GALNT17: variants seen among roughly 807,000 people sequenced by gnomAD.
GALNT17 encodes the protein UDP-GalNAc:polypeptide N-acetylgalactosaminyltransferase-like 3.
In GALNT17, 29 loss-of-function variants were observed where a neutral mutation model predicts 63.7. The ratio of observed to expected loss-of-function variants is 0.46; its 90% CI spans 0.34 to 0.62. GALNT17 has a LOEUF of 0.62. GALNT17 is among the 20% of genes least tolerant of loss of function. The pLI is 0.01. For missense variants in GALNT17, 603 were observed against 799.6 expected, an observed-to-expected ratio of 0.75 and a Z score of 2.97; for synonymous variants, 305 against 318.3, an observed-to-expected ratio of 0.96 and a Z score of 0.45.
chr7:71,149,199 A>T (rs1233224182), intron 1 of GALNT17, among the ~76,000 whole-genome samples: 1 of 152,164 alleles, frequency 6.6e-6, no homozygotes, highest in Non-Finnish European at 1.5e-5. Flanking sequence ...GACAACAAGC[A>T]TGCACCACCA....
At chr7:71,355,093 A>C (rs2116200356) in intron 2 of GALNT17, among the ~76,000 whole-genome samples, 1 of 152,192 alleles carries the variant, frequency 6.6e-6, no homozygotes, top group Admixed American at 6.5e-5. Context: ...TTTTCCCATA[A>C]GTTAGTTAAA....
At chr7:71,311,808 G>T (rs1266153868) in intron 1 of GALNT17, among the ~76,000 whole-genome samples, 3 of 152,210 alleles carry the variant, frequency 2.0e-5, no homozygotes, top group African/African-American at 4.8e-5. Context: ...AGATGCTACA[G>T]CTAAGAAGGA....
chr7:71,347,701 A>G (rs1792120264), intron 2 of GALNT17, among the ~76,000 whole-genome samples: 1 of 151,934 alleles, frequency 6.6e-6, no homozygotes, highest in Non-Finnish European at 1.5e-5. Context: ...TGGGGAGGGT[A>G]TTTTCCTTCA....
intron 5 of GALNT17, among the ~76,000 whole-genome samples, chr7:71,517,945 G>A (rs936098420): frequency 6.6e-6 from 1 of 152,188 alleles, no homozygotes; most frequent in Non-Finnish European, 1.5e-5. Context: ...TGAGCTGTGG[G>A]GAACAGGTTT....
intron 5 of GALNT17, among the ~76,000 whole-genome samples, chr7:71,544,068 C>T (rs1277186688): frequency 6.6e-6 from 1 of 151,434 alleles, no homozygotes; most frequent in Non-Finnish European, 1.5e-5. Flanking sequence ...GCCAGGATTA[C>T]AGATGTCAGC....
intron 1 of GALNT17, among the ~76,000 whole-genome samples, chr7:71,217,546 T>G (rs955367259): frequency 3.3e-5 from 5 of 152,172 alleles, no homozygotes; most frequent in African/African-American, 9.7e-5. Flanking sequence ...TTTTCTTTTT[T>G]TTGTTGTTGT....
intron 5 of GALNT17, among the ~76,000 whole-genome samples, chr7:71,527,594 C>G (rs898387045): frequency 6.6e-6 from 1 of 152,234 alleles, no homozygotes; most frequent in South Asian, 2.1e-4. Flanking sequence ...TCTTTTCTCA[C>G]TGTGCTCATT....
intron 1 of GALNT17, among the ~76,000 whole-genome samples, chr7:71,305,520 G>T (rs997435281): frequency 6.6e-6 from 1 of 152,160 alleles, no homozygotes; most frequent in Non-Finnish European, 1.5e-5. Flanking sequence ...TAAAATCTGG[G>T]CTCTCATTTC....
rs575299391 is a variant in GALNT17 at position 71,567,156 on chromosome 7, T to C, written c.963-4129T>C. Among the ~76,000 whole-genome samples the C allele has an allele frequency of 2.5e-4, 38 of 152,280 alleles. 1 individual carries two copies. The highest frequency in any genetic ancestry group is 5.0e-4 in the Non-Finnish European group (34 of 68,016). ...GGTTAACTGAGGCCAGGGAATGGGC[T>C]CATTTGATGCTTTTCCAGACTAAAG... On this transcript the variant is annotated intron_variant, in intron 5 of 10. Transcript: ENST00000333538.
At chr7:71,436,961 C>A (rs149154627) in intron 5 of GALNT17, among the ~76,000 whole-genome samples, 1 of 152,146 alleles carries the variant, frequency 6.6e-6, no homozygotes, top group Non-Finnish European at 1.5e-5. Flanking sequence ...TCCAGCTGAG[C>A]ATCTGGGCTC....
At chr7:71,242,394 G>A (rs1277577785) in intron 1 of GALNT17, among the ~76,000 whole-genome samples, 1 of 150,158 alleles carries the variant, frequency 6.7e-6, no homozygotes, top group East Asian at 2.0e-4. Flanking sequence ...TCAGCCTCCC[G>A]AGTAGCTGGG....
intron 1 of GALNT17, among the ~76,000 whole-genome samples, chr7:71,317,334 G>C (rs1791518651): frequency 6.6e-6 from 1 of 152,200 alleles, no homozygotes; most frequent in Admixed American, 6.5e-5. Flanking sequence ...AATCAGCTTT[G>C]TTGGCATGTT....
chr7:71,697,675 G>T (rs1019049467), intron 9 of GALNT17, among the ~76,000 whole-genome samples: 4 of 152,148 alleles, frequency 2.6e-5, no homozygotes, highest in African/African-American at 9.7e-5. Context: ...TAGTGGCTTG[G>T]CCATAATTTG....
intron 6 of GALNT17, among the ~76,000 whole-genome samples, chr7:71,584,811 G>C (rs1426049135): frequency 6.6e-6 from 1 of 151,946 alleles, no homozygotes; most frequent in Non-Finnish European, 1.5e-5. Flanking sequence ...GCGAAGTGCA[G>C]TGGCGCGATC....
chr7:71,217,770 CA>C (rs559073357), intron 1 of GALNT17, among the ~76,000 whole-genome samples: 257 of 151,390 alleles, frequency 1.7e-3, no homozygotes, highest in African/African-American at 5.8e-3. Context: ...CTAAAATGTA[CA>C]AAAAAAATTA....
intron 3 of GALNT17, among the ~76,000 whole-genome samples, chr7:71,397,664 G>A (rs572300932): frequency 5.9e-5 from 9 of 152,320 alleles, no homozygotes; most frequent in African/African-American, 1.2e-4. Flanking sequence ...GTGGCTGTGC[G>A]TTGTTGTCGT....
chr7:71,568,183 G>T (rs1381801738), intron 5 of GALNT17, among the ~76,000 whole-genome samples: 1 of 152,176 alleles, frequency 6.6e-6, no homozygotes, highest in African/African-American at 2.4e-5. Context: ...CTTTTCTAAA[G>T]CGTGCAGTAA....
chr7:71,164,713 G>C (rs1788406078), intron 1 of GALNT17, among the ~76,000 whole-genome samples: 1 of 152,208 alleles, frequency 6.6e-6, no homozygotes, highest in African/African-American at 2.4e-5. Context: ...GTGTGTGCAT[G>C]TGACAAGGTA....
intron 5 of GALNT17, among the ~76,000 whole-genome samples, chr7:71,530,145 G>T (rs1788692458): frequency 1.3e-5 from 2 of 152,116 alleles, no homozygotes; most frequent in African/African-American, 4.8e-5. Context: ...TTGCCTAGTG[G>T]ACAAAGTTCT....
Sources: allele counts gnomAD v4.1 joint callset (sites outside exome capture counted in the v4.1 genomes callset), GRCh38; gene constraint gnomAD v4.1.1; transcripts MANE v1.5; gene names NCBI Gene and HGNC (gene_info 2026-07-23, HGNC 2026-07-21).